Variants in LRRC8B observed in about 807,000 individuals in gnomAD.
LRRC8B encodes leucine rich repeat containing 8 VRAC subunit B, also known as volume-regulated anion channel subunit LRRC8B.
LRRC8B carries 23 observed loss-of-function variants against 58.8 expected under a neutral mutation model. The observed-to-expected ratio is 0.39, with a 90% CI of 0.28 to 0.55. The LOEUF is 0.55. LRRC8B is among the 20% of genes least tolerant of loss of function. LRRC8B has a pLI of 0.62. For synonymous variants in LRRC8B, 359 were observed against 374.1 expected (o/e 0.96, Z 0.47); for missense variants, 694 against 936.0 (o/e 0.74, Z 3.37).
chr1:89,593,287 G>A lies in LRRC8B; in HGVS notation c.*244G>A. ...AGCTACTTGGGAGGCTGACGCAGGG[G>A]AATTGCTTGAACCAGGGAGGTGGAG... On this transcript the variant is annotated 3_prime_UTR_variant, in exon 6 of 6. Transcript: ENST00000330947. The A allele has an allele frequency of 2.4e-6, 1 of 415,052 alleles. No individual in the cohort carries two copies. The highest frequency in any genetic ancestry group is 4.4e-6 in the Non-Finnish European group (1 of 228,022). The allele number at this position is 415,052 out of a possible 1,614,324, so 25.7% of individuals were successfully genotyped here.
intron 1 of LRRC8B, among the ~76,000 whole-genome samples, chr1:89,558,344 C>T (rs1468570452): frequency 1.3e-5 from 2 of 152,294 alleles, no homozygotes; most frequent in East Asian, 1.9e-4. Context: ...ACTCTTTCCC[C>T]TCACTTCCCA....
At chr1:89,586,053 A>G (rs1415900919) in intron 5 of LRRC8B, among the ~76,000 whole-genome samples, 1 of 152,220 alleles carries the variant, frequency 6.6e-6, no homozygotes, top group African/African-American at 2.4e-5. Context: ...GTCCATTGTT[A>G]GATAAATGAG....
intron 5 of LRRC8B, among the ~76,000 whole-genome samples, chr1:89,590,461 A>G (rs1247089592): frequency 6.6e-6 from 1 of 152,222 alleles, no homozygotes; most frequent in East Asian, 1.9e-4. Flanking sequence ...AGCCCCAGAG[A>G]TGGACTCTCG....
intron 1 of LRRC8B, among the ~76,000 whole-genome samples, chr1:89,555,630 T>C (rs987709029): frequency 2.0e-5 from 3 of 152,194 alleles, no homozygotes; most frequent in Non-Finnish European, 4.4e-5. Flanking sequence ...GATAGAGAAC[T>C]ACAGGAGCAT....
intron 1 of LRRC8B, among the ~76,000 whole-genome samples, chr1:89,532,840 T>G (rs1430575134): frequency 6.6e-6 from 1 of 152,188 alleles, no homozygotes; most frequent in Non-Finnish European, 1.5e-5. Flanking sequence ...TGAAGATACT[T>G]TCCTCAGAAT....
intron 3 of LRRC8B, among the ~76,000 whole-genome samples, chr1:89,575,489 C>T (rs1653772694): frequency 6.6e-6 from 1 of 152,042 alleles, no homozygotes; most frequent in South Asian, 2.1e-4. Context: ...GGAAGGTGTG[C>T]CAGCCAACAC....
intron 5 of LRRC8B, among the ~76,000 whole-genome samples, chr1:89,586,643 C>T (rs1654642627): frequency 6.6e-6 from 1 of 152,154 alleles, no homozygotes; most frequent in Admixed American, 6.5e-5. Flanking sequence ...ATATCAGGCA[C>T]ATGCTTTCTT....
chr1:89,586,942 A>G (rs1654668337), intron 5 of LRRC8B, among the ~76,000 whole-genome samples: 1 of 152,188 alleles, frequency 6.6e-6, no homozygotes, highest in Admixed American at 6.5e-5. Flanking sequence ...TAGCCTCATG[A>G]TGGGAACTAT....
chr1:89,536,353 C>G (rs945560451), intron 1 of LRRC8B, among the ~76,000 whole-genome samples: 1 of 152,148 alleles, frequency 6.6e-6, no homozygotes, highest in Non-Finnish European at 1.5e-5. Flanking sequence ...TGCCTGGCTC[C>G]TTTTCACAGG....
At chr1:89,568,344 A>C (rs1653190958) in intron 2 of LRRC8B, 37 bp downstream of exon 2, 1 of 152,146 alleles carries the variant, frequency 6.6e-6, no homozygotes, top group Non-Finnish European at 1.5e-5. Flanking sequence ...AAATTATTAC[A>C]TATGTTGGAA....
intron 1 of LRRC8B, among the ~76,000 whole-genome samples, chr1:89,539,810 T>A (rs1340517897): frequency 7.2e-5 from 11 of 152,364 alleles, no homozygotes; most frequent in East Asian, 5.8e-4. Context: ...AGATTTTTTT[T>A]AAATTAAATA....
intron 1 of LRRC8B, among the ~76,000 whole-genome samples, chr1:89,550,169 G>A (rs958094206): frequency 1.3e-5 from 2 of 152,146 alleles, no homozygotes; most frequent in East Asian, 1.9e-4. Context: ...GAACCTGCTC[G>A]AAAGCACTTA....
intron 1 of LRRC8B, among the ~76,000 whole-genome samples, chr1:89,530,350 C>T (rs1245578730): frequency 6.7e-6 from 1 of 149,178 alleles, no homozygotes; most frequent in Non-Finnish European, 1.5e-5. Flanking sequence ...CAGAGCAAGA[C>T]TCTGTCTCCA....
rs1436235698 is a variant in LRRC8B, at chr1:89,584,747, G to A, written c.2097G>A (p.Gln699=). Residue 699 remains glutamine, a synonymous_variant, in exon 5 of 6, where the codon CAG becomes CAA. Coordinates refer to ENST00000330947, the MANE Select transcript of LRRC8B (RefSeq NM_001369817.2). ...TGACCTTCATTCCAGAAGAAATCCA[G>A]TATCTGAGTAATTTGCAGTACTTTG... The part of the protein sequence containing the change: ...NHLTFIPEEI[Q]YLSNLQYFAV... 2.5e-6 allele frequency: 4 copies of A among 1,611,168 alleles called. No individual in the cohort carries two copies. The highest frequency in any genetic ancestry group is 3.4e-6 in the Non-Finnish European group (4 of 1,179,040).
chr1:89,539,621 A>C (rs1570565556), intron 1 of LRRC8B, among the ~76,000 whole-genome samples: 1 of 152,320 alleles, frequency 6.6e-6, no homozygotes, highest in East Asian at 1.9e-4. Context: ...CCACAGAAAC[A>C]ACACATTGCA....
Position 89,583,200 on chromosome 1 carries a change from T to TC in LRRC8B, c.552dup (p.Lys185GlnfsTer14). 6.2e-7 allele frequency: 1 copy of TC among 1,614,132 alleles called. No homozygotes were observed. The highest frequency in any genetic ancestry group is 8.5e-7 in the Non-Finnish European group (1 of 1,180,016). On this transcript the variant is annotated frameshift_variant, in exon 5 of 6. Transcript: ENST00000330947. LOFTEE classifies it high-confidence loss of function. The surrounding 1 kb of genome is among the most constrained non-coding windows in gnomAD (Gnocchi z 5.2). The stretch of plus-strand genomic sequence containing the variant: ...GCAGTCAGTGAGGCCTCTGAAACTC[T>TC]CCAAGTCCAAGATTTTGCTTTCGTC...
At chr1:89,531,498 G>A (rs866275285) in intron 1 of LRRC8B, among the ~76,000 whole-genome samples, 3 of 152,226 alleles carry the variant, frequency 2.0e-5, no homozygotes, top group African/African-American at 7.2e-5. Context: ...ACAGGTTATG[G>A]GAAGGAGAGA....
In LRRC8B at chr1:89,593,623, G is replaced by A. The variant is rs564451014; in HGVS notation, c.*580G>A. 1 of 152,556 alleles carries A rather than the reference G, an allele frequency of 6.6e-6. No individual in the cohort carries two copies. Among genetic ancestry groups the A allele is most frequent in the East Asian group, 1.9e-4 (1 of 5,176 alleles). 9.5% of individuals were successfully genotyped at this position (152,556 alleles called of 1,614,324 possible). On this transcript the variant is annotated 3_prime_UTR_variant, in exon 6 of 6. Coordinates refer to ENST00000330947, the MANE Select transcript of LRRC8B (RefSeq NM_001369817.2). ...ACATCCAGGGTGGACTGGGAGCTATGAAATGACTAAATTCCTCCTTGCAGT... is the reference window on the plus strand; with the variant it reads ...ACATCCAGGGTGGACTGGGAGCTATAAAATGACTAAATTCCTCCTTGCAGT...
At chr1:89,569,581 C>T (rs576288434) in intron 3 of LRRC8B, among the ~76,000 whole-genome samples, 1 of 152,240 alleles carries the variant, frequency 6.6e-6, no homozygotes, top group African/African-American at 2.4e-5. Flanking sequence ...TCTGTTTCCG[C>T]TTTAGCTCAC....
Sources: gnomAD v4.1 joint callset for allele counts (sites outside exome capture counted in the v4.1 genomes callset) on GRCh38, gnomAD v4.1.1 for gene constraint, Gnocchi (gnomAD v3.1) non-coding constraint, MANE v1.5 for transcripts, NCBI Gene and HGNC (gene_info 2026-07-23, HGNC 2026-07-21) for gene names.